The following WASF3 variants were observed in gnomAD, a reference collection of about 807,000 sequenced individuals.
WASF3 encodes actin-binding protein WASF3.
In WASF3, 11 loss-of-function variants were observed where a neutral mutation model predicts 46.6. That is an observed-to-expected ratio of 0.24 (90% confidence interval 0.15 to 0.39). The LOEUF (loss-of-function observed/expected upper bound fraction) is 0.39, where lower values mean the gene tolerates loss of function less well. WASF3 is among the 10% of genes least tolerant of loss of function. The probability of loss-of-function intolerance (pLI) is 1.00; values close to 1 mark genes in which losing one functional copy is unlikely to be tolerated. For missense variants in WASF3, 576 were observed against 669.8 expected (o/e 0.86, Z 1.55); for synonymous variants, 242 against 259.7 (o/e 0.93, Z 0.65).
At chr13:26,655,453 A>T (rs1882439054) in intron 3 of WASF3, among the ~76,000 whole-genome samples, 1 of 152,142 alleles carries the variant, frequency 6.6e-6, no homozygotes, top group Admixed American at 6.5e-5. Context: ...CAGTGGATTG[A>T]TTACCCCAAG....
At chr13:26,600,356 T>G (rs1880607910) in intron 1 of WASF3, among the ~76,000 whole-genome samples, 1 of 152,234 alleles carries the variant, frequency 6.6e-6, no homozygotes, top group African/African-American at 2.4e-5. Context: ...CACTTCTCTG[T>G]TTCTTAGTTC....
chr13:26,636,314 G>C (rs1037351039), intron 2 of WASF3, among the ~76,000 whole-genome samples: 2 of 152,244 alleles, frequency 1.3e-5, no homozygotes, highest in African/African-American at 4.8e-5. Flanking sequence ...GGTACCCACC[G>C]AGCCAGGCAC....
chr13:26,547,802 C>A, the WASF3 span, among the ~76,000 whole-genome samples: 1 of 152,244 alleles, frequency 6.6e-6, no homozygotes, highest in South Asian at 2.1e-4. Flanking sequence ...CCATTAAGTG[C>A]AAATAAAATG....
At chr13:26,597,733 G>T (rs1880517071) in intron 1 of WASF3, among the ~76,000 whole-genome samples, 1 of 152,026 alleles carries the variant, frequency 6.6e-6, no homozygotes, top group Admixed American at 6.6e-5. Flanking sequence ...TTTTGTCCTT[G>T]CGATAGTTTG....
At chr13:26,594,227 T>TC (rs1880391345) in intron 1 of WASF3, among the ~76,000 whole-genome samples, 1 of 152,206 alleles carries the variant, frequency 6.6e-6, no homozygotes, top group South Asian at 2.1e-4. Flanking sequence ...TCTATTCTAG[T>TC]CCTTCAGTTC....
At chr13:26,659,562 G>A (rs1327982797) in intron 3 of WASF3, among the ~76,000 whole-genome samples, 1 of 152,182 alleles carries the variant, frequency 6.6e-6, no homozygotes, top group Admixed American at 6.5e-5. Context: ...AGAGTGAACT[G>A]AGCAGGGGCG....
intron 1 of WASF3, among the ~76,000 whole-genome samples, chr13:26,580,142 A>G (rs1879934306): frequency 1.3e-5 from 2 of 152,164 alleles, no homozygotes; most frequent in African/African-American, 4.8e-5. Context: ...CCTGCCTTAG[A>G]TATTGAAAAT....
intron 2 of WASF3, among the ~76,000 whole-genome samples, chr13:26,619,772 C>T (rs1881249506): frequency 6.6e-6 from 1 of 152,124 alleles, no homozygotes; most frequent in Non-Finnish European, 1.5e-5. Flanking sequence ...TCAGAGCTGA[C>T]TCTTAATGAC....
chr13:26,638,625 G>C (rs1881900912), intron 2 of WASF3: 1 of 152,192 alleles, frequency 6.6e-6, no homozygotes, highest in Non-Finnish European at 1.5e-5. Flanking sequence ...ATTTTCAAGG[G>C]TAATCACTGA....
chr13:26,577,781 A>G (rs1879846941), intron 1 of WASF3: 1 of 628,542 alleles, frequency 1.6e-6, no homozygotes, highest in African/African-American at 1.8e-5. Flanking sequence ...CCTTATTCAG[A>G]TTTCACTAGT....
chr13:26,598,781 T>C (rs1200179675), intron 1 of WASF3, among the ~76,000 whole-genome samples: 3 of 152,240 alleles, frequency 2.0e-5, no homozygotes, highest in African/African-American at 7.2e-5. Flanking sequence ...GCTGCTAGCC[T>C]TTCTGGACAG....
chr13:26,654,486 C>T (rs67986291), intron 3 of WASF3, among the ~76,000 whole-genome samples: 9,044 of 152,164 alleles, frequency 0.059, 704 homozygotes, highest in African/African-American at 0.18. Flanking sequence ...TTTCCTCAAC[C>T]ATAATACACC....
intron 7 of WASF3, 110 bp downstream of exon 7, chr13:26,676,834 G>A: frequency 3.0e-6 from 3 of 1,004,510 alleles, no homozygotes; most frequent in South Asian, 2.3e-5. Flanking sequence ...TATGGCCCTT[G>A]ATGTCTTAAG....
intron 1 of WASF3, among the ~76,000 whole-genome samples, chr13:26,562,817 G>A (rs1458961832): frequency 8.1e-6 from 1 of 123,212 alleles, no homozygotes; most frequent in Non-Finnish European, 1.7e-5. Context: ...CTGGAGAGGG[G>A]CATCTGGTGT....
intron 3 of WASF3, among the ~76,000 whole-genome samples, chr13:26,643,370 A>G (rs772717840): frequency 1.3e-5 from 2 of 152,120 alleles, no homozygotes; most frequent in African/African-American, 4.8e-5. Flanking sequence ...ACTTTTATTT[A>G]TCTTGAAGAA....
intron 2 of WASF3, among the ~76,000 whole-genome samples, chr13:26,636,154 T>C (rs1429396142): frequency 6.6e-6 from 1 of 152,266 alleles, no homozygotes; most frequent in Non-Finnish European, 1.5e-5. Context: ...TGCTGAGCTG[T>C]GGTGGGCTCC....
chr13:26,634,186 A>G (rs148687681), intron 2 of WASF3, among the ~76,000 whole-genome samples: 3,129 of 152,296 alleles, frequency 0.021, 109 homozygotes, highest in African/African-American at 0.071. Flanking sequence ...TTGGGTGCAT[A>G]TATATTTAGA....
upstream of WASF3, among the ~76,000 whole-genome samples, chr13:26,553,336 G>C (rs990175544): frequency 6.6e-6 from 1 of 152,142 alleles, no homozygotes; most frequent in Non-Finnish European, 1.5e-5. Context: ...AAAAAGTTGG[G>C]AGGGGGTAGT....
In WASF3 at chr13:26,574,463, G is replaced by C. The variant is rs183362001; in HGVS notation, c.-109+16644G>C. On this transcript the variant is annotated intron_variant, in intron 1 of 9. Coordinates refer to ENST00000335327, the MANE Select transcript of WASF3 (RefSeq NM_006646.6). ...GGACTATTCAGATAACTTTTGTCTT[G>C]ATTTTTTTTTTGTCTGATTATTTTT... Among the ~76,000 whole-genome samples the C allele has an allele frequency of 2.2e-3, 335 of 150,660 alleles. 1 individual carries two copies. The highest frequency in any genetic ancestry group is 7.6e-3 in the African/African-American group (310 of 40,702).
Sources: allele counts gnomAD v4.1 joint callset (sites outside exome capture counted in the v4.1 genomes callset), GRCh38; gene constraint gnomAD v4.1.1; transcripts MANE v1.5; gene names NCBI Gene and HGNC (gene_info 2026-07-23, HGNC 2026-07-21).